RNF139: variants seen among roughly 807,000 people sequenced by gnomAD.
RNF139 encodes the protein E3 ubiquitin-protein ligase RNF139.
A neutral mutation model predicts 49.5 loss-of-function variants in RNF139; 15 were observed. That is an observed-to-expected ratio of 0.30 (90% CI 0.20 to 0.47). RNF139 has a LOEUF of 0.47. RNF139 is among the 20% of genes least tolerant of loss of function. RNF139 has a pLI of 1.00. For synonymous variants in RNF139, 325 were observed against 300.9 expected, an observed-to-expected ratio of 1.08 and a Z score of -0.83; for missense variants, 619 against 806.3, an observed-to-expected ratio of 0.77 and a Z score of 2.81.
At chr8:124,482,938 A>ATATATATATATATATAT (rs1367455781) in intron 1 of RNF139, among the ~76,000 whole-genome samples, 1 of 96,540 alleles carries the variant, frequency 1.0e-5, no homozygotes, top group Non-Finnish European at 2.1e-5. Context: ...AAAAATATAA[A>ATATATATATATATATAT]AAAAAATATA....
In RNF139 at chr8:124,486,423, G is replaced by A. The variant is rs777635547; in HGVS notation, c.774G>A (p.Arg258=). The A allele has an allele frequency of 6.2e-7, 1 of 1,614,190 alleles. No homozygotes were observed. Among genetic ancestry groups the A allele is most frequent in the Admixed American group, 1.7e-5 (1 of 60,030 alleles). Reference sequence around the variant, plus strand: ...CTACAGTGTTAATGTACATCTTAAGGATGGCAAATGAAACTGATTCCTTCT... The same window carrying A: ...CTACAGTGTTAATGTACATCTTAAGAATGGCAAATGAAACTGATTCCTTCT... ...AQATVLMYIL[R]MANETDSFFI... is the part of the protein sequence containing the mutation. Residue 258 remains arginine (R), a synonymous_variant, in exon 2 of 2, where the codon AGG becomes AGA. Transcript: ENST00000303545.
At position 124,475,404 on chromosome 8, in the gene RNF139, A is replaced by G. The variant is rs534532606; in HGVS notation, c.181+114A>G. The G allele has an allele frequency of 9.2e-4, 982 of 1,070,070 alleles. 7 individuals are homozygous for G. Among genetic ancestry groups the G allele is most frequent in the Admixed American group, 1.4e-3 (59 of 42,658 alleles). The allele number at this position is 1,070,070 out of a possible 1,614,324, so 66.3% of individuals were successfully genotyped here. On this transcript the variant is annotated intron_variant, in intron 1 of 1. Transcript: ENST00000303545. ...TCGAGTATGTGTCTTTGGGAACTAC[A>G]GTTTCATCCCTCAAAGGGTCGTCTT...
chr8:124,475,905 G>A (rs978757430), intron 1 of RNF139, among the ~76,000 whole-genome samples: 1 of 152,242 alleles, frequency 6.6e-6, no homozygotes, highest in Non-Finnish European at 1.5e-5. Flanking sequence ...GGTATTGAAA[G>A]TGACTGTAAA....
At position 124,486,377 on chromosome 8, in the gene RNF139, T is replaced by C; in HGVS notation, c.728T>C (p.Leu243Pro). The stretch of plus-strand genomic sequence containing the variant: ...CCAGACATACTACGAGTCTTTTGGC[T>C]AACAAGAGTTACAGCTCAGGCTACA... ...RFPDILRVFW[L>P]TRVTAQATVL... Residue 243 changes from leucine (L) to proline (P), a missense_variant, in exon 2 of 2, where the codon CTA becomes CCA. Around this residue, in one of 2 missense-constraint regions of RNF139, gnomAD observed 530 missense variants for 728.9 expected, o/e 0.73. Transcript: ENST00000303545. 1 of 1,614,170 alleles carries C rather than the reference T, an allele frequency of 6.2e-7. No homozygotes were observed. Among genetic ancestry groups the C allele is most frequent in the Non-Finnish European group, 8.5e-7 (1 of 1,179,994 alleles).
chr8:124,477,357 T>G (rs1816330755), intron 1 of RNF139, among the ~76,000 whole-genome samples: 1 of 152,252 alleles, frequency 6.6e-6, no homozygotes, highest in African/African-American at 2.4e-5. Flanking sequence ...CAGGTTTGTG[T>G]GTAAATATGC....
Position 124,487,575 on chromosome 8 carries a change from A to T in RNF139, c.1926A>T (p.Gln642His), listed in dbSNP as rs760616461. 2 of 1,614,078 alleles carry T rather than the reference A, an allele frequency of 1.2e-6. No individual in the cohort carries two copies. Among genetic ancestry groups the T allele is most frequent in the South Asian group, 2.2e-5 (2 of 91,072 alleles). ...DDSTDCDDDVQRERNGVIQHT... is the reference protein window; with the variant it reads ...DDSTDCDDDVHRERNGVIQHT... ...GTACAGATTGTGATGATGATGTTCA[A>T]AGAGAAAGAAATGGAGTGATTCAGC... The change falls in exon 2 of 2, where the codon CAA (glutamine) becomes CAT (histidine). Residue 642 changes from glutamine (Q) to histidine (H), a missense_variant. By Grantham distance (24) the Gln-to-His change is conservative (BLOSUM62 0). Around this residue, in one of 2 missense-constraint regions of RNF139, gnomAD observed 530 missense variants for 728.9 expected, o/e 0.73. Coordinates refer to ENST00000303545, the MANE Select transcript of RNF139 (RefSeq NM_007218.4).
chr8:124,477,288 GGAT>G (rs1563629276), intron 1 of RNF139, among the ~76,000 whole-genome samples: 1 of 152,242 alleles, frequency 6.6e-6, no homozygotes, highest in East Asian at 1.9e-4. Context: ...ACATTTGTAA[GGAT>G]GATAAGAATG....
intron 1 of RNF139, 51 bp downstream of exon 1, chr8:124,475,341 G>A: frequency 6.4e-7 from 1 of 1,560,316 alleles, no homozygotes; most frequent in Non-Finnish European, 8.7e-7. Flanking sequence ...GGGCCGAGAC[G>A]TTCCCCGGGG....
Position 124,487,863 on chromosome 8 carries a change from T to C in RNF139, c.*219T>C, listed in dbSNP as rs1816568656. The C allele has an allele frequency of 2.1e-6, 1 of 470,274 alleles. No individual in the cohort carries two copies. Among genetic ancestry groups the C allele is most frequent in the Non-Finnish European group, 3.7e-6 (1 of 268,298 alleles). 29.1% of individuals were successfully genotyped at this position (470,274 alleles called of 1,614,324 possible). ...ACCTGTTTAAATTTGTGTACATTATTGTACATAGAATAAAATGTTTTCACA... is the reference window on the plus strand; with the variant it reads ...ACCTGTTTAAATTTGTGTACATTATCGTACATAGAATAAAATGTTTTCACA... On this transcript the variant is annotated 3_prime_UTR_variant, in exon 2 of 2. Coordinates refer to ENST00000303545, the MANE Select transcript of RNF139 (RefSeq NM_007218.4).
chr8:124,478,623 CA>C (rs1193982560), intron 1 of RNF139, among the ~76,000 whole-genome samples: 2 of 147,138 alleles, frequency 1.4e-5, no homozygotes, highest in African/African-American at 2.5e-5. Context: ...AAAAAAAAGT[CA>C]AAAAAAATTT....
In RNF139 at chr8:124,475,129, C is replaced by A. The variant is rs546566054; in HGVS notation, c.20C>A (p.Pro7Gln). Reference sequence around the variant, plus strand: ...CGGCTCATGGCGGCCGTGGGGCCCCCGCAGCAGCAGGTGCGGATGGCCCAT... The same window carrying A: ...CGGCTCATGGCGGCCGTGGGGCCCCAGCAGCAGCAGGTGCGGATGGCCCAT... MAAVGP[P>Q]QQQVRMAHQQ... The change falls in exon 1 of 2, where the codon CCG becomes CAG. Residue 7 changes from proline (P) to glutamine (Q), a missense_variant. Physicochemically the swap from Pro to Gln is moderately conservative, Grantham distance 76. This residue lies in a region of RNF139 where 89 missense variants were observed against 77.5 expected (regional missense o/e 1.15). Transcript: ENST00000303545. The A allele has an allele frequency of 8.4e-5, 134 of 1,600,272 alleles. 1 individual carries two copies. In the South Asian group the frequency reaches 1.4e-3, roughly 17 times the overall value.
intron 1 of RNF139, among the ~76,000 whole-genome samples, chr8:124,480,600 G>C (rs1816392040): frequency 6.6e-6 from 1 of 152,178 alleles, no homozygotes; most frequent in Admixed American, 6.5e-5. Context: ...AGCTATCTGA[G>C]AGCTCACAGA....
chr8:124,475,064 CG>C lies in RNF139; in HGVS notation c.-45del. ...CCGGCCGCGGCCCCGGGCCCTGCCC[CG>C]CGCGGCCCTGCCCGGCCCACCGAGC... On this transcript the variant is annotated 5_prime_UTR_variant, in exon 1 of 2. Transcript: ENST00000303545. 1.5e-6 allele frequency: 2 copies of C among 1,346,214 alleles called. No homozygotes were observed. The highest frequency in any genetic ancestry group is 1.9e-6 in the Non-Finnish European group (2 of 1,052,244). The allele number at this position is 1,346,214 out of a possible 1,614,324, so 83.4% of individuals were successfully genotyped here.
intron 1 of RNF139, among the ~76,000 whole-genome samples, chr8:124,477,577 G>T (rs1223680314): frequency 6.6e-6 from 1 of 152,184 alleles, no homozygotes; most frequent in African/African-American, 2.4e-5. Context: ...ACAAAATGGT[G>T]CTACAACTGT....
intron 1 of RNF139, among the ~76,000 whole-genome samples, chr8:124,477,474 T>C (rs780401301): frequency 6.6e-6 from 1 of 152,224 alleles, no homozygotes; most frequent in Non-Finnish European, 1.5e-5. Context: ...CTCACTTTTT[T>C]CTTTAAAATT....
rs753041249 is a variant in RNF139, at chr8:124,486,002, T to G, written c.353T>G (p.Leu118Arg). The part of the protein sequence containing the change: ...AYNTSAFGIE[L>R]LPRKGPSLWM... The stretch of plus-strand genomic sequence containing the variant: ...AACACGTCAGCTTTTGGAATTGAGC[T>G]GCTTCCTCGAAAAGGTCCCTCGCTG... Residue 118 changes from leucine (L) to arginine (R), a missense_variant, in exon 2 of 2, where the codon CTG (leucine) becomes CGG (arginine). Leu to Arg is a moderately radical substitution (Grantham distance 102). Around this residue, in one of 2 missense-constraint regions of RNF139, gnomAD observed 530 missense variants for 728.9 expected, o/e 0.73. Coordinates refer to ENST00000303545, the MANE Select transcript of RNF139 (RefSeq NM_007218.4). The G allele has an allele frequency of 6.2e-7, 1 of 1,614,212 alleles. No individual in the cohort carries two copies. The highest frequency in any genetic ancestry group is 1.6e-4 in the Middle Eastern group (1 of 6,062).
intron 1 of RNF139, among the ~76,000 whole-genome samples, chr8:124,481,047 A>C (rs766868795): frequency 5.3e-5 from 8 of 152,142 alleles, no homozygotes; most frequent in Admixed American, 2.6e-4. Flanking sequence ...AAGCATACTT[A>C]TTATAAGTTT....
At chr8:124,480,799 C>G (rs1816394913) in intron 1 of RNF139, among the ~76,000 whole-genome samples, 1 of 152,252 alleles carries the variant, frequency 6.6e-6, no homozygotes, top group Admixed American at 6.5e-5. Flanking sequence ...CATCCTGAAG[C>G]TATCTAGGGG....
chr8:124,476,320 CTGGTAGGTATT>C (rs1479667220), intron 1 of RNF139, among the ~76,000 whole-genome samples: 2 of 152,208 alleles, frequency 1.3e-5, no homozygotes, highest in Non-Finnish European at 2.9e-5. Flanking sequence ...AGCATTTTCA[CTGGTAGGTATT>C]ATCTAACCTA....
Sources: allele counts gnomAD v4.1 joint callset (sites outside exome capture counted in the v4.1 genomes callset), GRCh38; gene constraint gnomAD v4.1.1; regional missense constraint gnomAD v4.1.1; transcripts MANE v1.5; gene names NCBI Gene and HGNC (gene_info 2026-07-23, HGNC 2026-07-21).